Variants in HMCN1 observed in about 807,000 individuals in gnomAD.
HMCN1 encodes hemicentin 1.
HMCN1 carries 321 observed loss-of-function variants against 625.9 expected under a neutral mutation model. The observed-to-expected ratio is 0.51, with a 90% CI of 0.47 to 0.56. The LOEUF (loss-of-function observed/expected upper bound fraction) is 0.56, where lower values mean the gene tolerates loss of function less well. HMCN1 is among the 20% of genes least tolerant of loss of function. The probability of loss-of-function intolerance (pLI) is 0.00; values close to 1 mark genes in which losing one functional copy is unlikely to be tolerated. For missense variants in HMCN1, 6,588 were observed against 6,887.3 expected (o/e 0.96, Z 1.54); for synonymous variants, 2,425 against 2,417.6 (o/e 1.00, Z -0.09).
At chr1:185,971,154 A>C (rs982384820) in intron 15 of HMCN1, among the ~76,000 whole-genome samples, 1 of 152,232 alleles carries the variant, frequency 6.6e-6, no homozygotes, top group African/African-American at 2.4e-5. Flanking sequence ...CCATTCTGCC[A>C]CCGAATTTCT....
At chr1:185,942,941 A>G (rs1668156117) in intron 11 of HMCN1, among the ~76,000 whole-genome samples, 1 of 151,954 alleles carries the variant, frequency 6.6e-6, no homozygotes, top group Non-Finnish European at 1.5e-5. Flanking sequence ...AATAATGGAT[A>G]CTGCAAGAGG....
In HMCN1 at chr1:186,128,241, G is replaced by C. The variant is rs762977454; in HGVS notation, c.12854G>C (p.Gly4285Ala). The C allele has an allele frequency of 6.2e-7, 1 of 1,613,490 alleles. No individual in the cohort carries two copies. The highest frequency in any genetic ancestry group is 8.5e-7 in the Non-Finnish European group (1 of 1,179,654). The stretch of plus-strand genomic sequence containing the variant: ...CTACGATTAAGCTGTAAAGCTACTG[G>C]TATTCCATTGCCCAAATTAACATGG... ...EQLRLSCKAT[G>A]IPLPKLTWTF... The change falls in exon 83 of 107, where the codon GGT (glycine) becomes GCT (alanine). Residue 4285 changes from glycine to alanine, a missense_variant. Physicochemically the swap from Gly to Ala is moderately conservative, Grantham distance 60 (BLOSUM62 0). Transcript: ENST00000271588.
intron 4 of HMCN1, among the ~76,000 whole-genome samples, chr1:185,901,873 CTT>C (rs1392452113): frequency 6.6e-6 from 1 of 151,696 alleles, no homozygotes; most frequent in Non-Finnish European, 1.5e-5. Context: ...ATTTTGAGGT[CTT>C]TTAGGAAGGA....
chr1:186,151,189 TC>T lies in HMCN1; in HGVS notation c.14609-6del, dbSNP rs759638529. On this transcript the variant is annotated splice_polypyrimidine_tract_variant and intron_variant, in intron 93 of 106. Coordinates refer to ENST00000271588, the MANE Select transcript of HMCN1 (RefSeq NM_031935.3). ...ATCCTTATCCAGGAATGTTTTTTTT[TC>T]CCCCAATAGGTGGGCCCCAGCGAGC... is the stretch of plus-strand genomic sequence containing the variant. The T allele has an allele frequency of 6.2e-7, 1 of 1,613,286 alleles. No homozygotes were observed.
rs1558245550 is a variant in HMCN1, at chr1:186,129,949, T to A, written c.12905-17T>A. 6.2e-7 allele frequency: 1 copy of A among 1,612,594 alleles called. No individual in the cohort carries two copies. Among genetic ancestry groups the A allele is most frequent in the Non-Finnish European group, 8.5e-7 (1 of 1,178,912 alleles). ...AGGTTACTGAGAGGCACTTGTGTTGTTTCTTGTTTCCCTCAGCCCACTTTG... is the reference window on the plus strand; with the variant it reads ...AGGTTACTGAGAGGCACTTGTGTTGATTCTTGTTTCCCTCAGCCCACTTTG... On this transcript the variant is annotated splice_polypyrimidine_tract_variant and intron_variant, in intron 83 of 106. Coordinates refer to ENST00000271588, the MANE Select transcript of HMCN1 (RefSeq NM_031935.3).
At chr1:185,986,018 GTA>G (rs1651975224) in intron 19 of HMCN1, among the ~76,000 whole-genome samples, 1 of 152,144 alleles carries the variant, frequency 6.6e-6, no homozygotes, top group Non-Finnish European at 1.5e-5. Flanking sequence ...GTCAAACTCA[GTA>G]TGTTTGTATC....
At chr1:185,786,842 G>A (rs1440750094) in intron 1 of HMCN1, among the ~76,000 whole-genome samples, 5 of 152,054 alleles carry the variant, frequency 3.3e-5, no homozygotes, top group East Asian at 1.9e-4. Flanking sequence ...TCATCATATC[G>A]TATACTATGT....
Position 185,965,878 on chromosome 1 carries a change from C to T in HMCN1, c.2175C>T (p.Thr725=). The change falls in exon 14 of 107, where the codon ACC becomes ACT. Residue 725 remains threonine, a synonymous_variant. Coordinates refer to ENST00000271588, the MANE Select transcript of HMCN1 (RefSeq NM_031935.3). ...LGDITVMECK[T]SGIPPPQVKW... Reference sequence around the variant, plus strand: ...ATATAACCGTTATGGAATGCAAAACCTCTGGTATTCCTCCACCTCAAGTTA... The same window carrying T: ...ATATAACCGTTATGGAATGCAAAACTTCTGGTATTCCTCCACCTCAAGTTA... 3 of 1,606,874 alleles carry T rather than the reference C, an allele frequency of 1.9e-6. No homozygotes were observed. The highest frequency in any genetic ancestry group is 1.1e-5 in the South Asian group (1 of 90,918).
intron 56 of HMCN1, among the ~76,000 whole-genome samples, chr1:186,081,722 A>G (rs537498086): frequency 6.6e-6 from 1 of 152,288 alleles, no homozygotes; most frequent in African/African-American, 2.4e-5. Flanking sequence ...CTGTTGGTAA[A>G]ATTCTAAATG....
intron 100 of HMCN1, 143 bp downstream of exon 100, chr1:186,167,085 A>T (rs2102623841): frequency 1.9e-6 from 2 of 1,028,446 alleles, no homozygotes; most frequent in Admixed American, 3.9e-5. Context: ...ATCCAGCAAG[A>T]GGGACTCCTG....
chr1:185,832,265 C>T (rs1300958092), intron 1 of HMCN1, among the ~76,000 whole-genome samples: 1 of 151,980 alleles, frequency 6.6e-6, no homozygotes, highest in Non-Finnish European at 1.5e-5. Context: ...CACTGCACTC[C>T]AGCCTGGGAG....
chr1:185,986,585 C>G (rs1652010134), intron 19 of HMCN1, among the ~76,000 whole-genome samples: 1 of 152,066 alleles, frequency 6.6e-6, no homozygotes, highest in African/African-American at 2.4e-5. Flanking sequence ...GAGGGATTAA[C>G]CTTCCTTTTC....
At position 185,949,409 on chromosome 1, in the gene HMCN1, C is replaced by T. The variant is rs989144692; in HGVS notation, c.1829-13109C>T. Among the ~76,000 whole-genome samples, 65 of 151,832 alleles carry T rather than the reference C, an allele frequency of 4.3e-4. 1 individual carries two copies. Among genetic ancestry groups the T allele is most frequent in the Middle Eastern group, 3.4e-3 (1 of 294 alleles). ...AAATGGGCTGTACCCTGTAGCATTC[C>T]GAGAACAGGCCTGAATTCTGAGAAG... On this transcript the variant is annotated intron_variant, in intron 11 of 106. Transcript: ENST00000271588.
chr1:186,005,130 T>TG (rs1186768595), intron 29 of HMCN1, among the ~76,000 whole-genome samples: 3 of 149,610 alleles, frequency 2.0e-5, no homozygotes, highest in Non-Finnish European at 1.5e-5. Context: ...TATAAACAAT[T>TG]TTTTAATTGT....
intron 11 of HMCN1, among the ~76,000 whole-genome samples, chr1:185,952,686 G>A (rs1249188095): frequency 1.3e-5 from 2 of 151,726 alleles, no homozygotes; most frequent in Non-Finnish European, 2.9e-5. Flanking sequence ...AAGATGCTTA[G>A]ATTTTAGGTC....
chr1:185,840,500 T>C (rs1010096748), intron 1 of HMCN1, among the ~76,000 whole-genome samples: 4 of 152,140 alleles, frequency 2.6e-5, no homozygotes, highest in Non-Finnish European at 5.9e-5. Context: ...TGTCACCCTC[T>C]ATTAATTTGG....
At chr1:186,096,350 C>G (rs1270336812) in intron 68 of HMCN1, among the ~76,000 whole-genome samples, 1 of 152,132 alleles carries the variant, frequency 6.6e-6, no homozygotes, top group Non-Finnish European at 1.5e-5. Context: ...CAGATGTCTT[C>G]TTACTTACTT....
chr1:185,916,543 A>G (rs555399081), intron 6 of HMCN1, among the ~76,000 whole-genome samples: 62 of 152,326 alleles, frequency 4.1e-4, no homozygotes, highest in Non-Finnish European at 7.9e-4. Context: ...TCTTGAATAC[A>G]TGTAAATCAT....
chr1:186,048,694 C>T (rs1422341563), intron 41 of HMCN1, 49 bp from the exon 42 acceptor site: 2 of 1,098,716 alleles, frequency 1.8e-6, no homozygotes, highest in South Asian at 1.2e-5. Flanking sequence ...AATTAAAAAA[C>T]CCCAAGTGAA....
Sources: gnomAD v4.1 joint callset for allele counts (sites outside exome capture counted in the v4.1 genomes callset) on GRCh38, gnomAD v4.1.1 for gene constraint, MANE v1.5 for transcripts, NCBI Gene and HGNC (gene_info 2026-07-23, HGNC 2026-07-21) for gene names.